The following NTM variants were observed in gnomAD, a reference collection of about 807,000 sequenced individuals.
NTM encodes IgLON family member 2.
A neutral mutation model predicts 42.1 loss-of-function variants in NTM; 13 were observed. The observed-to-expected ratio is 0.31, with a 90% confidence interval of 0.20 to 0.49. The LOEUF (loss-of-function observed/expected upper bound fraction) is 0.49, where lower values mean the gene tolerates loss of function less well. Ranked by LOEUF, NTM falls within the 20% of genes least tolerant of loss-of-function variation. The pLI, the probability that NTM is intolerant of heterozygous loss-of-function variation, is 0.99. For missense variants in NTM, 373 were observed against 452.8 expected, an observed-to-expected ratio of 0.82 and a Z score of 1.60; for synonymous variants, 187 against 179.2, an observed-to-expected ratio of 1.04 and a Z score of -0.35.
intron 2 of NTM, among the ~76,000 whole-genome samples, chr11:132,098,994 AAGG>A (rs1273466733): frequency 2.6e-5 from 4 of 152,232 alleles, no homozygotes; most frequent in Non-Finnish European, 4.4e-5. Context: ...TTCTTTATAA[AAGG>A]AGCAAATCCC....
chr11:131,708,464 G>A (rs2076802522), intron 1 of NTM, among the ~76,000 whole-genome samples: 1 of 152,082 alleles, frequency 6.6e-6, no homozygotes, highest in Non-Finnish European at 1.5e-5. Context: ...AAGACAAAAA[G>A]CAATTTGGCT....
intron 1 of NTM, among the ~76,000 whole-genome samples, chr11:131,659,996 C>T (rs1477707553): frequency 6.6e-6 from 1 of 152,226 alleles, no homozygotes; most frequent in Non-Finnish European, 1.5e-5. Flanking sequence ...GAAGGATCCG[C>T]TACATAGCGT....
chr11:131,778,948 T>C (rs1056797359), intron 1 of NTM, among the ~76,000 whole-genome samples: 10 of 152,220 alleles, frequency 6.6e-5, no homozygotes, highest in African/African-American at 9.6e-5. Flanking sequence ...ACCCCTGTGA[T>C]TACATCACAT....
rs368694032 is a variant in NTM, at chr11:131,702,075, C to T, written c.83-209489C>T. Among the ~76,000 whole-genome samples, 4 of 152,114 alleles carry T rather than the reference C, an allele frequency of 2.6e-5. No individual in the cohort carries two copies. The East Asian group carries it at 5.8e-4, about 22-fold the overall frequency. ...CTTCTCTCAGATGCTCACAAATAGC[C>T]CAAACCGCCCTCAGACATGGCTTTG... On this transcript the variant is annotated intron_variant, in intron 1 of 8. Coordinates refer to ENST00000683400, the MANE Select transcript of NTM (RefSeq NM_001352005.2).
chr11:132,035,954 CTG>C (rs1328933407), intron 2 of NTM, among the ~76,000 whole-genome samples: 1 of 152,152 alleles, frequency 6.6e-6, no homozygotes, highest in African/African-American at 2.4e-5. Context: ...CTGCTGCTCT[CTG>C]TAGATGGGAG....
chr11:131,431,183 T>G (rs1286297520), intron 1 of NTM, among the ~76,000 whole-genome samples: 1 of 152,154 alleles, frequency 6.6e-6, no homozygotes, highest in Admixed American at 6.5e-5. Flanking sequence ...TGGGAATCAT[T>G]CCCTGGTCAT....
intron 1 of NTM, among the ~76,000 whole-genome samples, chr11:131,570,970 G>A (rs2057389155): frequency 6.6e-6 from 1 of 152,234 alleles, no homozygotes; most frequent in African/African-American, 2.4e-5. Flanking sequence ...AGACAGCCAT[G>A]GAAGAGCTGA....
intron 2 of NTM, among the ~76,000 whole-genome samples, chr11:131,944,484 G>A (rs894365600): frequency 1.5e-4 from 23 of 152,134 alleles, no homozygotes; most frequent in Non-Finnish European, 2.6e-4. Flanking sequence ...TTCCACATGA[G>A]GAACAATGAT....
At chr11:131,675,963 A>T (rs911019591) in intron 1 of NTM, among the ~76,000 whole-genome samples, 25 of 152,114 alleles carry the variant, frequency 1.6e-4, no homozygotes, top group African/African-American at 6.0e-4. Context: ...TATGGCTTTC[A>T]CCTTTGGTGT....
chr11:132,124,669 C>T (rs1014832508), intron 2 of NTM, among the ~76,000 whole-genome samples: 1 of 152,174 alleles, frequency 6.6e-6, no homozygotes, highest in Non-Finnish European at 1.5e-5. Context: ...TTATAAAGTA[C>T]AGGCATTTAT....
At chr11:131,867,282 G>T (rs139061125) in intron 1 of NTM, among the ~76,000 whole-genome samples, 1 of 152,192 alleles carries the variant, frequency 6.6e-6, no homozygotes, top group Non-Finnish European at 1.5e-5. Context: ...GGAAGGATCC[G>T]CAAAGGCTGG....
intron 3 of NTM, among the ~76,000 whole-genome samples, chr11:132,191,571 A>G (rs1253606697): frequency 6.6e-6 from 1 of 152,252 alleles, no homozygotes; most frequent in Non-Finnish European, 1.5e-5. Context: ...ATCAGCCTTC[A>G]CATGAGAAAG....
intron 1 of NTM, among the ~76,000 whole-genome samples, chr11:131,770,315 G>T (rs111653302): frequency 4.6e-5 from 7 of 152,314 alleles, no homozygotes; most frequent in African/African-American, 1.7e-4. Flanking sequence ...TAATGTCAAA[G>T]GGAAGACGAG....
At chr11:131,694,584 G>T (rs1451001488) in intron 1 of NTM, among the ~76,000 whole-genome samples, 1 of 152,126 alleles carries the variant, frequency 6.6e-6, no homozygotes, top group South Asian at 2.1e-4. Flanking sequence ...TGGCGGGAAA[G>T]GGCGTGCAAG....
At chr11:131,615,666 G>A (rs969698363) in intron 1 of NTM, among the ~76,000 whole-genome samples, 2 of 152,126 alleles carry the variant, frequency 1.3e-5, no homozygotes, top group East Asian at 1.9e-4. Context: ...CACCGCACCC[G>A]GCCGTAGCAA....
intron 2 of NTM, among the ~76,000 whole-genome samples, chr11:131,994,427 G>A (rs997883968): frequency 6.6e-6 from 1 of 152,160 alleles, no homozygotes; most frequent in Admixed American, 6.5e-5. Context: ...GGAGCCCTCA[G>A]GAGGGATATC....
chr11:131,525,964 A>T (rs141960580), intron 1 of NTM, among the ~76,000 whole-genome samples: 1 of 152,202 alleles, frequency 6.6e-6, no homozygotes, highest in African/African-American at 2.4e-5. Context: ...TCATGGCTCC[A>T]TTCAGAAATT....
chr11:132,135,715 G>C (rs1368670010), intron 2 of NTM, among the ~76,000 whole-genome samples: 1 of 152,218 alleles, frequency 6.6e-6, no homozygotes. Flanking sequence ...GTCAGAAGCA[G>C]AAGCACCCAG....
intron 1 of NTM, among the ~76,000 whole-genome samples, chr11:131,715,910 T>G: frequency 6.6e-6 from 1 of 152,244 alleles, no homozygotes; most frequent in East Asian, 1.9e-4. Context: ...GGTGTACATT[T>G]AGGTTGTTTC....
Sources: allele counts gnomAD v4.1 joint callset (sites outside exome capture counted in the v4.1 genomes callset), GRCh38; gene constraint gnomAD v4.1.1; transcripts MANE v1.5; gene names NCBI Gene and HGNC (gene_info 2026-07-23, HGNC 2026-07-21).